The following CCDC171 variants were observed in gnomAD, a reference collection of about 807,000 sequenced individuals.
The protein encoded by CCDC171 is coiled-coil domain-containing protein 171.
A neutral mutation model predicts 168.2 loss-of-function variants in CCDC171; 177 were observed. That is an observed-to-expected ratio of 1.05 (90% CI 0.93 to 1.19). CCDC171 has a LOEUF of 1.19. CCDC171 is among the 50% of genes most tolerant of loss of function. The pLI is 0.00. For synonymous variants in CCDC171, 687 were observed against 540.8 expected (o/e 1.27, Z -3.75); for missense variants, 1,991 against 1,539.0 (o/e 1.29, Z -4.91).
chr9:15,730,613 T>TA (rs1185984049), intron 16 of CCDC171, among the ~76,000 whole-genome samples: 1 of 151,744 alleles, frequency 6.6e-6, no homozygotes, highest in Non-Finnish European at 1.5e-5. Flanking sequence ...CAAGTCTAAT[T>TA]AAAAATAACC....
intron 23 of CCDC171, among the ~76,000 whole-genome samples, chr9:15,866,842 A>T (rs2061810010): frequency 6.6e-6 from 1 of 152,008 alleles, no homozygotes; most frequent in East Asian, 1.9e-4. Context: ...TAATTTTTAT[A>T]TTCTTGGCAT....
intron 25 of CCDC171, among the ~76,000 whole-genome samples, chr9:15,964,143 AC>A (rs1830588457): frequency 6.6e-6 from 1 of 152,218 alleles, no homozygotes; most frequent in South Asian, 2.1e-4. Context: ...AGGGAAATAA[AC>A]TTTTATTTAA....
chr9:15,995,406 C>G (rs1011815008), intron 3 of CCDC171, among the ~76,000 whole-genome samples: 1 of 152,124 alleles, frequency 6.6e-6, no homozygotes, highest in African/African-American at 2.4e-5. Flanking sequence ...TTTTTGTTAG[C>G]GTAATAATGG....
At chr9:16,057,811 A>C (rs1488186641) in intron 1 of CCDC171, among the ~76,000 whole-genome samples, 1 of 152,028 alleles carries the variant, frequency 6.6e-6, no homozygotes, top group Non-Finnish European at 1.5e-5. Flanking sequence ...TCCTGGATCC[A>C]CTCAGGCACA....
intron 9 of CCDC171, among the ~76,000 whole-genome samples, chr9:15,674,571 A>T (rs913630794): frequency 1.3e-5 from 2 of 152,076 alleles, no homozygotes; most frequent in East Asian, 3.8e-4. Context: ...CTTTGTTCTC[A>T]TTGGTCTCAA....
At chr9:15,820,368 C>G (rs2059719147) in intron 21 of CCDC171, among the ~76,000 whole-genome samples, 1 of 110,596 alleles carries the variant, frequency 9.0e-6, no homozygotes, top group African/African-American at 3.4e-5. Flanking sequence ...AATAGAGGCA[C>G]AAAAAACCCT....
At chr9:15,946,461 A>G (rs1467082104) in intron 25 of CCDC171, among the ~76,000 whole-genome samples, 1 of 151,842 alleles carries the variant, frequency 6.6e-6, no homozygotes, top group Non-Finnish European at 1.5e-5. Flanking sequence ...TCCACCTTAC[A>G]AGGGACGTGA....
At chr9:15,650,620 G>T (rs531354085) in intron 7 of CCDC171, among the ~76,000 whole-genome samples, 1 of 152,030 alleles carries the variant, frequency 6.6e-6, no homozygotes, top group Non-Finnish European at 1.5e-5. Context: ...ATACTAGAAC[G>T]TGCTCAGATA....
chr9:15,653,690 A>G (rs1389029084), intron 7 of CCDC171, among the ~76,000 whole-genome samples: 1 of 152,150 alleles, frequency 6.6e-6, no homozygotes, highest in Non-Finnish European at 1.5e-5. Context: ...TTTAAACCAT[A>G]TCTAGACATT....
rs1393152719 is a variant in CCDC171 at position 15,981,041 on chromosome 9, A to T, written n.369-39548A>T. Among the ~76,000 whole-genome samples the T allele has an allele frequency of 3.9e-5, 6 of 152,058 alleles. 1 individual carries two copies. The highest frequency in any genetic ancestry group is 8.8e-5 in the Non-Finnish European group (6 of 68,002). ...GCTTATGCAGGAAAACCCCCATATA[A>T]TAACCATCAGATATTGTGAGACTTA... On this transcript the variant is annotated intron_variant and non_coding_transcript_variant, in intron 3 of 9. Coordinates refer to the CCDC171 transcript ENST00000486641.
At chr9:15,613,243 C>T (rs2043830150) in intron 6 of CCDC171, among the ~76,000 whole-genome samples, 1 of 152,146 alleles carries the variant, frequency 6.6e-6, no homozygotes, top group Non-Finnish European at 1.5e-5. Flanking sequence ...TGATAACCAT[C>T]TTAGTGGCAT....
intron 17 of CCDC171, 72 bp downstream of exon 17, chr9:15,744,849 T>C: frequency 7.0e-7 from 1 of 1,433,558 alleles, no homozygotes. Flanking sequence ...ACCTGGCTAT[T>C]ATGGAAAAAC....
chr9:15,616,501 G>T (rs1172498630), intron 6 of CCDC171, among the ~76,000 whole-genome samples: 1 of 151,888 alleles, frequency 6.6e-6, no homozygotes, highest in East Asian at 1.9e-4. Context: ...TAGGATATAA[G>T]CATCTTTTTG....
chr9:15,849,905 T>C (rs1315318669), intron 23 of CCDC171, among the ~76,000 whole-genome samples: 1 of 151,874 alleles, frequency 6.6e-6, no homozygotes, highest in Non-Finnish European at 1.5e-5. Context: ...TTCTTTTATA[T>C]TTTGACAGTG....
At chr9:15,787,506 C>G (rs551502633) in intron 21 of CCDC171, among the ~76,000 whole-genome samples, 40 of 152,164 alleles carry the variant, frequency 2.6e-4, no homozygotes, top group Non-Finnish European at 4.3e-4. Context: ...TTCTCTCACT[C>G]CTTTCCCTCC....
At chr9:15,783,707 C>G (rs185609540) in intron 20 of CCDC171, among the ~76,000 whole-genome samples, 1 of 152,142 alleles carries the variant, frequency 6.6e-6, no homozygotes, top group Non-Finnish European at 1.5e-5. Context: ...CTTGGATTCT[C>G]CATCCCTGTC....
At chr9:15,738,745 G>C (rs746711887) in intron 16 of CCDC171, among the ~76,000 whole-genome samples, 1 of 152,090 alleles carries the variant, frequency 6.6e-6, no homozygotes, top group Non-Finnish European at 1.5e-5. Flanking sequence ...CCTATGGAAA[G>C]TCAGAATTAA....
chr9:15,845,359 T>G (rs1032073928), intron 21 of CCDC171, among the ~76,000 whole-genome samples: 1 of 152,076 alleles, frequency 6.6e-6, no homozygotes, highest in Non-Finnish European at 1.5e-5. Context: ...AGTCATAGTT[T>G]GTTTAATTTT....
At chr9:15,609,030 T>C (rs1425499803) in intron 6 of CCDC171, among the ~76,000 whole-genome samples, 1 of 150,752 alleles carries the variant, frequency 6.6e-6, no homozygotes, top group Non-Finnish European at 1.5e-5. Context: ...TGTATATTCC[T>C]TTTGCAAACA....
Sources: gnomAD v4.1 joint callset for allele counts (sites outside exome capture counted in the v4.1 genomes callset) on GRCh38, gnomAD v4.1.1 for gene constraint, MANE v1.5 for transcripts, NCBI Gene and HGNC (gene_info 2026-07-23, HGNC 2026-07-21) for gene names.